Variants in EXOC5 observed in about 807,000 individuals in gnomAD.
EXOC5 encodes exocyst complex component 5.
A neutral mutation model predicts 90.8 loss-of-function variants in EXOC5; 17 were observed. The observed-to-expected ratio is 0.19, with a 90% CI of 0.13 to 0.28. The LOEUF (loss-of-function observed/expected upper bound fraction) is 0.28. Among genes scored for constraint, EXOC5 ranks in the 10% least tolerant of loss-of-function variants. The pLI is 1.00. For missense variants in EXOC5, 569 were observed against 830.6 expected (o/e 0.69, Z 3.87); for synonymous variants, 260 against 270.0 (o/e 0.96, Z 0.36).
At chr14:57,215,960 A>G (rs1346681398) in intron 15 of EXOC5, among the ~76,000 whole-genome samples, 1 of 152,170 alleles carries the variant, frequency 6.6e-6, no homozygotes, top group African/African-American at 2.4e-5. Flanking sequence ...GAACTAATAA[A>G]CAAATTCAGT....
At chr14:57,219,584 G>A (rs1883067998) in intron 13 of EXOC5, 142 bp from the exon 14 acceptor site, 2 of 660,522 alleles carry the variant, frequency 3.0e-6, no homozygotes, top group East Asian at 3.1e-5. Flanking sequence ...GACTTCTGTG[G>A]ACAGAAGAGG....
intron 10 of EXOC5, chr14:57,232,068 T>TGAC (rs759805520): frequency 6.1e-5 from 11 of 181,026 alleles, no homozygotes; most frequent in Admixed American, 1.1e-4. Flanking sequence ...ATCTACTGTC[T>TGAC]GTTCACCCTC....
In EXOC5 at chr14:57,209,549, G is replaced by A. The variant is rs549495829; in HGVS notation, c.1938+18C>T. On this transcript the variant is annotated intron_variant, in intron 17 of 17. Transcript: ENST00000621441. ...TCCTGGGCCTATTTGCAAGTTTGAT[G>A]TTTTTGTGTACACATACCTTGAAGT... 5.3e-6 allele frequency: 8 copies of A among 1,511,576 alleles called. No individual in the cohort carries two copies. The South Asian group carries it at 8.1e-5, about 15-fold the overall frequency. 93.6% of individuals were successfully genotyped at this position (1,511,576 alleles called of 1,614,324 possible). A position where few individuals can be genotyped will look rare whatever the true frequency, so the allele number is the denominator to read the frequency against.
At chr14:57,208,940 A>G (rs1882741390) in intron 17 of EXOC5, 143 bp from the exon 18 acceptor site, 2 of 540,840 alleles carry the variant, frequency 3.7e-6, no homozygotes, top group East Asian at 5.6e-5. Flanking sequence ...AAAGATCACA[A>G]TGCATTAAAA....
intron 1 of EXOC5, among the ~76,000 whole-genome samples, chr14:57,265,331 C>G (rs987801915): frequency 6.6e-6 from 1 of 151,934 alleles, no homozygotes; most frequent in African/African-American, 2.4e-5. Flanking sequence ...CAGAGAAAAG[C>G]GAAGATTCTT....
chr14:57,225,738 T>G (rs1883287918), intron 12 of EXOC5, among the ~76,000 whole-genome samples: 1 of 151,304 alleles, frequency 6.6e-6, no homozygotes, highest in South Asian at 2.1e-4. Flanking sequence ...TCTCAGGAGG[T>G]CCCGCCAACA....
At chr14:57,213,521 C>T (rs1247165509) in intron 15 of EXOC5, among the ~76,000 whole-genome samples, 1 of 151,832 alleles carries the variant, frequency 6.6e-6, no homozygotes, top group Non-Finnish European at 1.5e-5. Context: ...AACTCCCCTG[C>T]CTCAGCCTCC....
Position 57,222,335 on chromosome 14 carries a change from C to T in EXOC5, c.1378G>A (p.Asp460Asn), listed in dbSNP as rs1214902472. 1 of 1,570,818 alleles carries T rather than the reference C, an allele frequency of 6.4e-7. No homozygotes were observed. The highest frequency in any genetic ancestry group is 8.7e-7 in the Non-Finnish European group (1 of 1,147,966). The change falls in exon 13 of 18, where the codon GAT (aspartate) becomes AAT (asparagine). Residue 460 changes from aspartate to asparagine, a missense_variant. Physicochemically the swap from Asp to Asn is conservative, Grantham distance 23. Transcript: ENST00000621441. Reference protein sequence around the residue: ...LVEFLCIEHIDYALETGLAGI... With the variant: ...LVEFLCIEHINYALETGLAGI... ...GCAAGTCCTGTTTCCAAAGCATAAT[C>T]AATATGCTCAATACATAAAAATTCC...
rs1371357916 is a variant in EXOC5 at position 57,206,615 on chromosome 14, ATTAATG to A, written c.*1988_*1993del. On this transcript the variant is annotated 3_prime_UTR_variant, in exon 18 of 18. Transcript: ENST00000621441. The stretch of plus-strand genomic sequence containing the variant: ...ACTGCAGGGAATTTGTTTATTGAGC[ATTAATG>A]TTAACACTTTTAAATTAAGTATTCA... 1 of 152,452 alleles carries A rather than the reference ATTAATG, an allele frequency of 6.6e-6. No individual in the cohort carries two copies. Among genetic ancestry groups the A allele is most frequent in the African/African-American group, 2.4e-5 (1 of 41,446 alleles). The allele number at this position is 152,452 out of a possible 1,614,324, so 9.4% of individuals were successfully genotyped here.
In EXOC5 at chr14:57,233,292, G is replaced by C. The variant is rs536787838; in HGVS notation, c.855+451C>G. The C allele has an allele frequency of 2.0e-5, 3 of 153,342 alleles. No homozygotes were observed. The East Asian group carries it at 5.8e-4, about 30-fold the overall frequency. 9.5% of individuals were successfully genotyped at this position (153,342 alleles called of 1,614,324 possible). A position where few individuals can be genotyped will look rare whatever the true frequency, so the allele number is the denominator to read the frequency against. ...ATGTTGTTTAATCCAGTTGTAAACA[G>C]CTTAGGAAATGTTATCTGAAAGTAC... On this transcript the variant is annotated intron_variant, in intron 9 of 17. Transcript: ENST00000621441.
rs1225308239 is a variant in EXOC5, at chr14:57,202,983, G to A, written c.*5626C>T. 6.6e-6 allele frequency: 1 copy of A among 152,124 alleles called. No homozygotes were observed. The highest frequency in any genetic ancestry group is 2.1e-4 in the South Asian group (1 of 4,828). 9.4% of individuals were successfully genotyped at this position (152,124 alleles called of 1,614,324 possible). A position where few individuals can be genotyped will look rare whatever the true frequency, so the allele number is the denominator to read the frequency against. On this transcript the variant is annotated 3_prime_UTR_variant, in exon 18 of 18. Transcript: ENST00000621441. The stretch of plus-strand genomic sequence containing the variant: ...ATAAAATATTTTCACATAACTTCAT[G>A]TGAATCCCCCATGTTATCCTCTAAA...
chr14:57,211,159 T>G (rs1273992285), intron 15 of EXOC5, among the ~76,000 whole-genome samples: 1 of 152,222 alleles, frequency 6.6e-6, no homozygotes, highest in Non-Finnish European at 1.5e-5. Flanking sequence ...ATAAGTCCAT[T>G]GCACATTTTC....
rs147308179 is a variant in EXOC5 at position 57,222,748 on chromosome 14, T to C, written c.1297-332A>G. ...TATTATATACACACACATATATATA[T>C]ACACACACACACACATATATATATA... is the stretch of plus-strand genomic sequence containing the variant. On this transcript the variant is annotated intron_variant, in intron 12 of 17. Transcript: ENST00000621441. 1.7e-3 allele frequency among the ~76,000 whole-genome samples: 248 copies of C among 147,186 alleles called. 1 individual carries two copies. The highest frequency in any genetic ancestry group is 0.015 in the East Asian group (77 of 5,002).
chr14:57,249,002 T>C (rs1364392868), intron 1 of EXOC5, among the ~76,000 whole-genome samples: 1 of 152,132 alleles, frequency 6.6e-6, no homozygotes, highest in Non-Finnish European at 1.5e-5. Context: ...TAGAGCTACT[T>C]AGAACTTTAG....
At chr14:57,246,337 T>C (rs766720974) in intron 3 of EXOC5, among the ~76,000 whole-genome samples, 2 of 152,216 alleles carry the variant, frequency 1.3e-5, no homozygotes, top group African/African-American at 2.4e-5. Context: ...CATATTACTT[T>C]GTTTTACGAT....
intron 1 of EXOC5, among the ~76,000 whole-genome samples, chr14:57,251,935 T>C (rs986291717): frequency 3.3e-5 from 5 of 152,128 alleles, no homozygotes; most frequent in Admixed American, 6.5e-5. Context: ...AACAATTGTA[T>C]ACCAATGAAT....
chr14:57,233,691 A>G (rs1883555319), intron 9 of EXOC5, 52 bp downstream of exon 9: 2 of 1,139,360 alleles, frequency 1.8e-6, no homozygotes, highest in Non-Finnish European at 2.5e-6. Flanking sequence ...ATATAGGGAA[A>G]AAATTACATA....
At position 57,203,437 on chromosome 14, in the gene EXOC5, T is replaced by C. The variant is rs931659682; in HGVS notation, c.*5172A>G. On this transcript the variant is annotated 3_prime_UTR_variant, in exon 18 of 18. Coordinates refer to ENST00000621441, the MANE Select transcript of EXOC5 (RefSeq NM_006544.4). ...CACCAATGGAGACTAATTCCTTTGT[T>C]AGTTCTATCCAAACTTCACTTAGTT... 1.3e-5 allele frequency: 2 copies of C among 152,370 alleles called. No homozygotes were observed. The highest frequency in any genetic ancestry group is 2.9e-5 in the Non-Finnish European group (2 of 68,036). 9.4% of individuals were successfully genotyped at this position (152,370 alleles called of 1,614,324 possible).
At chr14:57,212,223 G>GACTTTTCCC (rs1188872391) in intron 15 of EXOC5, among the ~76,000 whole-genome samples, 6 of 152,186 alleles carry the variant, frequency 3.9e-5, no homozygotes, top group Non-Finnish European at 5.9e-5. Context: ...TCAGAAGACT[G>GACTTTTCCC]AATAAAGTCA....
Sources: gnomAD v4.1 joint callset for allele counts (sites outside exome capture counted in the v4.1 genomes callset) on GRCh38, gnomAD v4.1.1 for gene constraint, MANE v1.5 for transcripts, NCBI Gene and HGNC (gene_info 2026-07-23, HGNC 2026-07-21) for gene names.